Variants in CHCHD6 observed in about 807,000 individuals in gnomAD.
The protein encoded by CHCHD6 is MICOS complex subunit MIC25.
Under a neutral mutation model 32.3 loss-of-function variants are expected in CHCHD6, and 28 were observed. The observed-to-expected ratio is 0.87, with a 90% confidence interval of 0.64 to 1.19. The LOEUF is 1.19. Ranked by LOEUF, CHCHD6 falls within the 50% of genes most tolerant of loss-of-function variation. The probability of loss-of-function intolerance (pLI) is 0.00; values close to 1 mark genes in which losing one functional copy is unlikely to be tolerated. For missense variants in CHCHD6, 333 were observed against 307.0 expected (o/e 1.08, Z -0.63); for synonymous variants, 122 against 117.5 (o/e 1.04, Z -0.25).
intron 6 of CHCHD6, among the ~76,000 whole-genome samples, chr3:126,941,982 C>T (rs1283286223): frequency 6.6e-6 from 1 of 152,214 alleles, no homozygotes; most frequent in Non-Finnish European, 1.5e-5. Flanking sequence ...TCATCAGCTC[C>T]TTCATATGGA....
intron 5 of CHCHD6, among the ~76,000 whole-genome samples, chr3:126,890,721 A>G: frequency 6.6e-6 from 1 of 152,242 alleles, no homozygotes; most frequent in East Asian, 1.9e-4. Flanking sequence ...GTAAGATTTT[A>G]TGATTATTTA....
At chr3:126,948,014 G>A (rs758555769) in intron 6 of CHCHD6, among the ~76,000 whole-genome samples, 11 of 152,212 alleles carry the variant, frequency 7.2e-5, no homozygotes, top group Admixed American at 1.3e-4. Flanking sequence ...AGCGGCTATT[G>A]CTGATGTGCG....
intron 4 of CHCHD6, among the ~76,000 whole-genome samples, chr3:126,735,260 C>G (rs1456213414): frequency 6.6e-6 from 1 of 152,148 alleles, no homozygotes; most frequent in African/African-American, 2.4e-5. Context: ...TCACAGCTTC[C>G]CATTCTTACT....
intron 5 of CHCHD6, among the ~76,000 whole-genome samples, chr3:126,890,886 G>A (rs1266573271): frequency 6.6e-6 from 1 of 152,190 alleles, no homozygotes; most frequent in Non-Finnish European, 1.5e-5. Flanking sequence ...TCCCCAGGGA[G>A]TGGGGAGGGA....
At chr3:126,796,909 G>T (rs575764395) in intron 4 of CHCHD6, among the ~76,000 whole-genome samples, 3 of 152,210 alleles carry the variant, frequency 2.0e-5, no homozygotes, top group Non-Finnish European at 4.4e-5. Flanking sequence ...GGAAGCCTTG[G>T]GTACAGGGCC....
At chr3:126,931,301 T>C (rs747603888) in intron 6 of CHCHD6, among the ~76,000 whole-genome samples, 29 of 152,354 alleles carry the variant, frequency 1.9e-4, no homozygotes, top group Non-Finnish European at 4.0e-4. Context: ...GTTGGTTTAG[T>C]TGAGGTTCAG....
chr3:126,939,853 G>T (rs1211313537), intron 6 of CHCHD6, among the ~76,000 whole-genome samples: 1 of 152,086 alleles, frequency 6.6e-6, no homozygotes, highest in Non-Finnish European at 1.5e-5. Context: ...CAATATACAG[G>T]CATTCCTTCA....
chr3:126,711,669 A>G, intron 1 of CHCHD6, among the ~76,000 whole-genome samples: 1 of 152,206 alleles, frequency 6.6e-6, no homozygotes, highest in East Asian at 1.9e-4. Context: ...TAGCATCTCC[A>G]TGCGCCCATT....
chr3:126,844,517 A>G (rs1941220367), intron 4 of CHCHD6, among the ~76,000 whole-genome samples: 1 of 152,200 alleles, frequency 6.6e-6, no homozygotes, highest in Non-Finnish European at 1.5e-5. Flanking sequence ...TAATATTAAT[A>G]TAGCTACACC....
At chr3:126,778,978 G>A (rs979639872) in intron 4 of CHCHD6, among the ~76,000 whole-genome samples, 5 of 150,686 alleles carry the variant, frequency 3.3e-5, no homozygotes, top group Non-Finnish European at 7.4e-5. Context: ...TGTTGCCTAG[G>A]CTGGTCTTGA....
intron 6 of CHCHD6, among the ~76,000 whole-genome samples, chr3:126,936,953 C>T (rs2078489113): frequency 6.6e-6 from 1 of 152,224 alleles, no homozygotes; most frequent in Non-Finnish European, 1.5e-5. Context: ...TTCCCTCCTT[C>T]ACCCTGGCCT....
At chr3:126,946,960 A>G (rs958996586) in intron 6 of CHCHD6, among the ~76,000 whole-genome samples, 10 of 152,278 alleles carry the variant, frequency 6.6e-5, no homozygotes, top group Non-Finnish European at 1.3e-4. Flanking sequence ...GGAGAAGGAT[A>G]AGTTGATGAG....
intron 4 of CHCHD6, among the ~76,000 whole-genome samples, chr3:126,763,528 A>T (rs991789631): frequency 3.9e-5 from 6 of 152,090 alleles, no homozygotes; most frequent in African/African-American, 1.4e-4. Context: ...TTTTTTAAAG[A>T]TGGGGTCTTG....
intron 4 of CHCHD6, among the ~76,000 whole-genome samples, chr3:126,792,234 A>G (rs1247984715): frequency 1.3e-5 from 2 of 148,252 alleles, no homozygotes; most frequent in East Asian, 3.9e-4. Context: ...CTTAGAATAT[A>G]TATTCTAATA....
chr3:126,864,942 C>G (rs1233614758), intron 5 of CHCHD6, among the ~76,000 whole-genome samples: 1 of 151,676 alleles, frequency 6.6e-6, no homozygotes, highest in Non-Finnish European at 1.5e-5. Flanking sequence ...CCTCCTCCTC[C>G]ACCATCATCT....
At chr3:126,797,038 T>C (rs1056189972) in intron 4 of CHCHD6, among the ~76,000 whole-genome samples, 2 of 152,182 alleles carry the variant, frequency 1.3e-5, no homozygotes, top group Admixed American at 6.5e-5. Flanking sequence ...TTCAGAGGCT[T>C]AGATGGATGA....
intron 4 of CHCHD6, chr3:126,766,583 T>G (rs372262743): frequency 1.4e-5 from 16 of 1,179,444 alleles, no homozygotes; most frequent in South Asian, 1.2e-4. Context: ...TGGGCTGCAG[T>G]GGAAGACTTG....
At chr3:126,813,176 T>A (rs1392748095) in intron 4 of CHCHD6, among the ~76,000 whole-genome samples, 1 of 152,226 alleles carries the variant, frequency 6.6e-6, no homozygotes, top group Non-Finnish European at 1.5e-5. Flanking sequence ...GATCTTCATT[T>A]TGCCTTTTAT....
chr3:126,745,555 G>A (rs1025636172), intron 4 of CHCHD6, among the ~76,000 whole-genome samples: 4 of 152,196 alleles, frequency 2.6e-5, no homozygotes, highest in African/African-American at 9.7e-5. Context: ...CTAAAGGATA[G>A]AAGTGGGTAG....
Sources: gnomAD v4.1 joint callset for allele counts (sites outside exome capture counted in the v4.1 genomes callset) on GRCh38, gnomAD v4.1.1 for gene constraint, MANE v1.5 for transcripts, NCBI Gene and HGNC (gene_info 2026-07-23, HGNC 2026-07-21) for gene names.